Variants in DYRK1A observed in about 807,000 individuals in gnomAD.
The protein encoded by DYRK1A is dual specificity tyrosine-phosphorylation-regulated kinase 1A.
A neutral mutation model predicts 79.7 loss-of-function variants in DYRK1A; 9 were observed. The observed-to-expected ratio is 0.11, with a 90% CI of 0.07 to 0.20. The LOEUF is 0.20. DYRK1A is among the 10% of genes least tolerant of loss of function. The pLI, the probability that DYRK1A is intolerant of heterozygous loss-of-function variation, is 1.00. For synonymous variants in DYRK1A, 349 were observed against 329.7 expected, an observed-to-expected ratio of 1.06 and a Z score of -0.63; for missense variants, 622 against 956.0, an observed-to-expected ratio of 0.65 and a Z score of 4.61.
chr21:37,392,939 C>T (rs1190603497), intron 1 of DYRK1A, among the ~76,000 whole-genome samples: 4 of 152,212 alleles, frequency 2.6e-5, no homozygotes, highest in South Asian at 2.1e-4. Flanking sequence ...CAAGGCAGAA[C>T]GTGAAAGAGC....
At position 37,490,281 on chromosome 21, in the gene DYRK1A, C is replaced by A. The variant is rs773203067; in HGVS notation, c.744C>A (p.Val248=). ...TGAGAAACACCAATTTCCGAGGGGT[C>A]TCTTTGAACCTAACACGAAAGTTTG... The part of the protein sequence containing the change: ...DLLRNTNFRG[V]SLNLTRKFAQ... The change falls in exon 7 of 12, where the codon GTC becomes GTA. Residue 248 remains valine (V), a synonymous_variant. Coordinates refer to ENST00000647188, the MANE Select transcript of DYRK1A (RefSeq NM_001347721.2). 6.2e-7 allele frequency: 1 copy of A among 1,613,848 alleles called. No homozygotes were observed. The highest frequency in any genetic ancestry group is 8.5e-7 in the Non-Finnish European group (1 of 1,179,796).
chr21:37,459,981 C>T (rs1234984736), intron 2 of DYRK1A, among the ~76,000 whole-genome samples: 1 of 152,164 alleles, frequency 6.6e-6, no homozygotes, highest in African/African-American at 2.4e-5. Context: ...AAGGATCCTG[C>T]AGCCATAGTC....
At chr21:37,385,437 C>T (rs1056632654) in intron 1 of DYRK1A, among the ~76,000 whole-genome samples, 5 of 152,180 alleles carry the variant, frequency 3.3e-5, no homozygotes, top group Non-Finnish European at 7.3e-5. Context: ...AAACATTTGC[C>T]ATCAGTTTCT....
Position 37,416,317 on chromosome 21 carries a change from CTTTT to C in DYRK1A, c.-76-3965_-76-3962del, listed in dbSNP as rs775621138. Among the ~76,000 whole-genome samples, 41 of 98,152 alleles carry C rather than the reference CTTTT, an allele frequency of 4.2e-4. No individual in the cohort carries two copies. The Middle Eastern group carries it at 0.02, about 49-fold the overall frequency. The allele number at this position is 98,152 out of a possible 152,430, so 64.4% of individuals were successfully genotyped here. On this transcript the variant is annotated intron_variant, in intron 1 of 11. Transcript: ENST00000647188. ...TCTTTATAAAGTCTTGTGTTTTGGC[CTTTT>C]TTTTTTTTTTTTTTTTAAAGACTGT...
At position 37,501,156 on chromosome 21, in the gene DYRK1A, G is replaced by T. The variant is rs1345888691; in HGVS notation, c.1213-4127G>T. ...CTGCAGCTTTTTATATGTTTTTTTT[G>T]TTGTTGTTGGTTTTTTTTTTTTTTT... On this transcript the variant is annotated intron_variant, in intron 9 of 11. Transcript: ENST00000647188. Among the ~76,000 whole-genome samples, 64 of 99,648 alleles carry T rather than the reference G, an allele frequency of 6.4e-4. 1 individual carries two copies. The highest frequency in any genetic ancestry group is 2.4e-3 in the African/African-American group (54 of 22,606). The allele number at this position is 99,648 out of a possible 152,430, so 65.4% of individuals were successfully genotyped here. A position where few individuals can be genotyped will look rare whatever the true frequency, so the allele number is the denominator to read the frequency against.
intron 1 of DYRK1A, among the ~76,000 whole-genome samples, chr21:37,400,655 T>C (rs1019338347): frequency 6.6e-6 from 1 of 152,196 alleles, no homozygotes; most frequent in African/African-American, 2.4e-5. Flanking sequence ...ATTGTTCTTT[T>C]AGGGTCAGTG....
Position 37,397,027 on chromosome 21 carries a change from A to G in DYRK1A, c.-76-23272A>G, listed in dbSNP as rs142768422. ...TATAGTCCTCGTGTGTTGTCTCTGT[A>G]CTAGCTCAGAAGATGCAGAGTAGGA... On this transcript the variant is annotated intron_variant, in intron 1 of 11. Coordinates refer to ENST00000647188, the MANE Select transcript of DYRK1A (RefSeq NM_001347721.2). Among the ~76,000 whole-genome samples, 593 of 152,204 alleles carry G rather than the reference A, an allele frequency of 3.9e-3. 4 individuals carry two copies. The highest frequency in any genetic ancestry group is 0.011 in the Admixed American group (162 of 15,300).
chr21:37,405,975 A>G (rs2050139518), intron 1 of DYRK1A, among the ~76,000 whole-genome samples: 1 of 151,292 alleles, frequency 6.6e-6, no homozygotes, highest in Non-Finnish European at 1.5e-5. Flanking sequence ...CTCATTGTTG[A>G]TGTTATTGAA....
chr21:37,399,789 G>T (rs2050021689), intron 1 of DYRK1A, among the ~76,000 whole-genome samples: 1 of 152,168 alleles, frequency 6.6e-6, no homozygotes, highest in Admixed American at 6.5e-5. Context: ...ATGAGATGTT[G>T]ATGTAGATTA....
intron 1 of DYRK1A, among the ~76,000 whole-genome samples, chr21:37,382,130 G>A (rs1162225280): frequency 6.6e-6 from 1 of 151,646 alleles, no homozygotes; most frequent in Non-Finnish European, 1.5e-5. Flanking sequence ...TTTGTGCCTG[G>A]CTCCATGCTA....
chr21:37,466,119 G>C (rs1332152982), intron 2 of DYRK1A, among the ~76,000 whole-genome samples: 1 of 152,184 alleles, frequency 6.6e-6, no homozygotes, highest in East Asian at 1.9e-4. Flanking sequence ...CTGTTTCTTT[G>C]TAATTCTTTC....
chr21:37,392,839 A>G (rs1206852934), intron 1 of DYRK1A, among the ~76,000 whole-genome samples: 2 of 152,220 alleles, frequency 1.3e-5, no homozygotes, highest in African/African-American at 4.8e-5. Context: ...TGTTGGCAGG[A>G]TTGATGTCTC....
rs1182434807 is a variant in DYRK1A, at chr21:37,516,143, C to G, written c.*3612C>G. ...GGGTGGTATCCCCATAGACAGAATA[C>G]AAGTTCAAGACTCATTTTTATGTCC... On this transcript the variant is annotated 3_prime_UTR_variant, in exon 12 of 12. Transcript: ENST00000647188. 1 of 152,174 alleles carries G rather than the reference C, an allele frequency of 6.6e-6. No individual in the cohort carries two copies. The highest frequency in any genetic ancestry group is 2.4e-5 in the African/African-American group (1 of 41,444). 9.4% of individuals were successfully genotyped at this position (152,174 alleles called of 1,614,324 possible).
chr21:37,511,419 A>G (rs145302977), intron 11 of DYRK1A, among the ~76,000 whole-genome samples: 1 of 152,290 alleles, frequency 6.6e-6, no homozygotes, highest in African/African-American at 2.4e-5. Context: ...TGAAGAGAAG[A>G]GGCCAAATTT....
intron 2 of DYRK1A, among the ~76,000 whole-genome samples, chr21:37,439,467 C>A (rs759967750): frequency 2.0e-5 from 3 of 152,164 alleles, no homozygotes; most frequent in African/African-American, 4.8e-5. Context: ...GGGTCCCCAA[C>A]CCCTGGTACT....
intron 2 of DYRK1A, among the ~76,000 whole-genome samples, chr21:37,455,042 G>C (rs749574651): frequency 2.6e-5 from 3 of 113,408 alleles, no homozygotes; most frequent in Non-Finnish European, 5.1e-5. Context: ...TTTTTTTCGT[G>C]CCCCAGCATA....
chr21:37,480,376 CAAAT>C (rs977643779), intron 4 of DYRK1A, among the ~76,000 whole-genome samples: 6 of 152,104 alleles, frequency 3.9e-5, no homozygotes, highest in East Asian at 1.9e-4. Context: ...TTCAATTTAA[CAAAT>C]AAATATAAAC....
At chr21:37,458,814 C>T (rs1363976798) in intron 2 of DYRK1A, among the ~76,000 whole-genome samples, 1 of 152,190 alleles carries the variant, frequency 6.6e-6, no homozygotes, top group Non-Finnish European at 1.5e-5. Context: ...TCATAAAGGG[C>T]ATTTTGAGCA....
intron 9 of DYRK1A, chr21:37,503,495 G>C (rs2053511229): frequency 1.3e-5 from 2 of 152,144 alleles, no homozygotes; most frequent in Non-Finnish European, 2.9e-5. Context: ...GATCATGGCT[G>C]ATTACAGCCT....
Sources: gnomAD v4.1 joint callset for allele counts (sites outside exome capture counted in the v4.1 genomes callset) on GRCh38, gnomAD v4.1.1 for gene constraint, MANE v1.5 for transcripts, NCBI Gene and HGNC (gene_info 2026-07-23, HGNC 2026-07-21) for gene names.